The following NEB variants were observed in gnomAD, a reference collection of about 807,000 sequenced individuals.
NEB encodes the protein nebulin, also known as nemaline myopathy type 2.
In NEB, 512 loss-of-function variants were observed where a neutral mutation model predicts 952.2. The ratio of observed to expected loss-of-function variants is 0.54; its 90% CI spans 0.50 to 0.58. The LOEUF (loss-of-function observed/expected upper bound fraction) is 0.58. NEB is among the 20% of genes least tolerant of loss of function. NEB has a pLI of 0.00. For synonymous variants in NEB, 2,900 were observed against 3,149.8 expected (o/e 0.92, Z 2.66); for missense variants, 8,428 against 9,231.1 (o/e 0.91, Z 3.56).
Position 151,675,411 on chromosome 2 carries a change from A to T in NEB, c.3775-20T>A. The stretch of plus-strand genomic sequence containing the variant: ...TAAGATCTGCAATAAAATGCATTTC[A>T]CATAGTGCAAAAAGGAAAATCTATT... On this transcript the variant is annotated intron_variant, in intron 34 of 181. Coordinates refer to ENST00000397345, the MANE Select transcript of NEB (RefSeq NM_001164508.2). The T allele has an allele frequency of 6.8e-7, 1 of 1,470,188 alleles. No individual in the cohort carries two copies. The highest frequency in any genetic ancestry group is 9.3e-7 in the Non-Finnish European group (1 of 1,071,700). The allele number at this position is 1,470,188 out of a possible 1,614,324, so 91.1% of individuals were successfully genotyped here.
intron 38 of NEB, among the ~76,000 whole-genome samples, chr2:151,669,816 C>T (rs75722587): frequency 2.6e-5 from 4 of 152,268 alleles, no homozygotes; most frequent in Admixed American, 1.3e-4. Flanking sequence ...AAGACAGGCT[C>T]TTGCGATTGT....
intron 73 of NEB, 59 bp downstream of exon 73, chr2:151,619,392 C>G: frequency 6.7e-7 from 1 of 1,491,998 alleles, no homozygotes; most frequent in Non-Finnish European, 9.1e-7. Flanking sequence ...CTAGTCAGAA[C>G]TCACAGACAC....
At chr2:151,535,860 G>C (rs954413545) in intron 141 of NEB, 65 bp from the exon 142 acceptor site, 1 of 823,880 alleles carries the variant, frequency 1.2e-6, no homozygotes, top group Non-Finnish European at 1.9e-6. Flanking sequence ...GAGACATGCT[G>C]TTTATCATAT....
chr2:151,507,234 T>G lies in NEB; in HGVS notation c.23452-221A>C, dbSNP rs141134755. The G allele has an allele frequency of 6.4e-6, 3 of 465,672 alleles. No individual in the cohort carries two copies. The South Asian group carries it at 7.9e-5, about 12-fold the overall frequency. 28.8% of individuals were successfully genotyped at this position (465,672 alleles called of 1,614,324 possible). A position where few individuals can be genotyped will look rare whatever the true frequency, so the allele number is the denominator to read the frequency against. On this transcript the variant is annotated intron_variant, in intron 162 of 181. Transcript: ENST00000397345. Reference sequence around the variant, plus strand: ...AGCTAGGGGTTTGTTTTTGTTTAAGTATCCCTTGCTTAGTAGATTTAACTT... The same window carrying G: ...AGCTAGGGGTTTGTTTTTGTTTAAGGATCCCTTGCTTAGTAGATTTAACTT...
At chr2:151,718,085 C>G (rs2099764479) in intron 9 of NEB, among the ~76,000 whole-genome samples, 1 of 152,126 alleles carries the variant, frequency 6.6e-6, no homozygotes. Flanking sequence ...GATCTCCTGA[C>G]CTCATGGTCT....
At chr2:151,635,599 G>A (rs988921057) in intron 64 of NEB, among the ~76,000 whole-genome samples, 6 of 151,852 alleles carry the variant, frequency 4.0e-5, no homozygotes, top group South Asian at 2.1e-4. Context: ...CCAGCTACTC[G>A]GGAGGCTGAG....
chr2:151,662,090 A>C lies in NEB; in HGVS notation c.5970+45T>G, dbSNP rs749691023. Reference sequence around the variant, plus strand: ...TGGATTAAATGTAAATTATACCTGGATTCTCTCTGATGCATATGAAACACT... The same window carrying C: ...TGGATTAAATGTAAATTATACCTGGCTTCTCTCTGATGCATATGAAACACT... On this transcript the variant is annotated intron_variant, in intron 46 of 181. Transcript: ENST00000397345. The C allele has an allele frequency of 2.7e-6, 4 of 1,501,944 alleles. No homozygotes were observed. The Admixed American group carries it at 7.2e-5, about 27-fold the overall frequency. The allele number at this position is 1,501,944 out of a possible 1,614,324, so 93.0% of individuals were successfully genotyped here. A position where few individuals can be genotyped will look rare whatever the true frequency, so the allele number is the denominator to read the frequency against.
chr2:151,646,852 G>A (rs1025122079), intron 54 of NEB, among the ~76,000 whole-genome samples: 8 of 152,266 alleles, frequency 5.3e-5, no homozygotes, highest in Non-Finnish European at 8.8e-5. Context: ...GTTTCGCTAC[G>A]TTGTGCAGGC....
Position 151,562,591 on chromosome 2 carries a change from C to A in NEB, c.18891+20G>T. 1 of 1,540,554 alleles carries A rather than the reference C, an allele frequency of 6.5e-7. No homozygotes were observed. Among genetic ancestry groups the A allele is most frequent in the Non-Finnish European group, 8.8e-7 (1 of 1,136,978 alleles). ...TCATGGAAGCTGTAGCTGAGTCAAGCTGCAGAAGGGACATCATACATCACT... is the reference window on the plus strand; with the variant it reads ...TCATGGAAGCTGTAGCTGAGTCAAGATGCAGAAGGGACATCATACATCACT... On this transcript the variant is annotated intron_variant, in intron 120 of 181. Transcript: ENST00000397345.
At chr2:151,487,217 G>A (rs1452139092) in intron 181 of NEB, among the ~76,000 whole-genome samples, 1 of 152,152 alleles carries the variant, frequency 6.6e-6, no homozygotes, top group Non-Finnish European at 1.5e-5. Flanking sequence ...GGGAATTTGG[G>A]AGCATACGAG....
chr2:151,551,577 G>A (rs1559828567), intron 129 of NEB, among the ~76,000 whole-genome samples, 161 bp downstream of exon 129: 1 of 152,212 alleles, frequency 6.6e-6, no homozygotes, highest in Non-Finnish European at 1.5e-5. Flanking sequence ...CTGGCAGCTA[G>A]GAGGAAAGAT....
At chr2:151,505,623 T>C (rs1345514216) in intron 164 of NEB, 53 bp from the exon 165 acceptor site, 9 of 1,413,150 alleles carry the variant, frequency 6.4e-6, no homozygotes, top group South Asian at 2.3e-5. Flanking sequence ...TGGACTGTTA[T>C]TCTTCCCAAC....
rs1199243837 is a variant in NEB at position 151,620,982 on chromosome 2, A to T, written c.10497T>A (p.Tyr3499Ter). 6.2e-7 allele frequency: 1 copy of T among 1,612,936 alleles called. No homozygotes were observed. The highest frequency in any genetic ancestry group is 8.5e-7 in the Non-Finnish European group (1 of 1,179,466). ...QAMEEAKKEG[Y>*]DLRSDAIPIV... ...TGGGAATGGCATCACTTCTCAAGTCATAGCCTTCTTTCTTGGCTTCTTCCA... is the reference window on the plus strand; with the variant it reads ...TGGGAATGGCATCACTTCTCAAGTCTTAGCCTTCTTTCTTGGCTTCTTCCA... Residue 3499 changes from tyrosine to a stop codon, truncating the protein, a stop_gained, in exon 72 of 182, where the codon TAT (tyrosine) becomes TAA (stop). Transcript: ENST00000397345. LOFTEE classifies it high-confidence loss of function.
chr2:151,697,060 T>C (rs1207749574), intron 16 of NEB, 88 bp downstream of exon 16: 1 of 991,306 alleles, frequency 1.0e-6, no homozygotes, highest in Non-Finnish European at 1.5e-6. Context: ...CTTACATTTA[T>C]TTGTAAAAGT....
intron 173 of NEB, 99 bp downstream of exon 173, chr2:151,496,177 T>G (rs1424739471): frequency 1.5e-6 from 2 of 1,312,936 alleles, no homozygotes; most frequent in Non-Finnish European, 1.1e-6. Flanking sequence ...TCACAAAATT[T>G]AAGTTGTCTT....
At chr2:151,657,180 G>A (rs747459591) in intron 48 of NEB, among the ~76,000 whole-genome samples, 36 of 152,148 alleles carry the variant, frequency 2.4e-4, no homozygotes, top group Non-Finnish European at 4.7e-4. Flanking sequence ...TAATAGAGGG[G>A]AGAAGAATTT....
At chr2:151,726,310 T>C (rs1030499769) in intron 5 of NEB, among the ~76,000 whole-genome samples, 2 of 152,244 alleles carry the variant, frequency 1.3e-5, no homozygotes, top group African/African-American at 4.8e-5. Context: ...TGCTGAATAC[T>C]GCAGCACTAA....
intron 60 of NEB, among the ~76,000 whole-genome samples, chr2:151,641,351 AG>A (rs1054012746): frequency 4.1e-4 from 62 of 152,230 alleles, no homozygotes; most frequent in Middle Eastern, 3.4e-3. Context: ...TTTGTATTTT[AG>A]AAAGCATCTC....
At position 151,515,712 on chromosome 2, in the gene NEB, G is replaced by A. The variant is rs2077373532; in HGVS notation, c.22905+747C>T. 2.0e-5 allele frequency among the ~76,000 whole-genome samples: 3 copies of A among 152,140 alleles called. No individual in the cohort carries two copies. The South Asian group carries it at 6.2e-4, about 31-fold the overall frequency. ...ATTTTAATAGAATTTTAAATTTACAGGAAAGTCACAAGAACAGTATAAGAA... is the reference window on the plus strand; with the variant it reads ...ATTTTAATAGAATTTTAAATTTACAAGAAAGTCACAAGAACAGTATAAGAA... On this transcript the variant is annotated intron_variant, in intron 157 of 181. Transcript: ENST00000397345.
Sources: allele counts gnomAD v4.1 joint callset (sites outside exome capture counted in the v4.1 genomes callset), GRCh38; gene constraint gnomAD v4.1.1; transcripts MANE v1.5; gene names NCBI Gene and HGNC (gene_info 2026-07-23, HGNC 2026-07-21).